SLC2A9: variants seen among roughly 807,000 people sequenced by gnomAD.
SLC2A9 encodes the protein solute carrier family 2 member 9.
In SLC2A9, 39 loss-of-function variants were observed where a neutral mutation model predicts 50.6. That is an observed-to-expected ratio of 0.77 (90% confidence interval 0.60 to 1.01). SLC2A9 has a LOEUF of 1.01. SLC2A9 is among the 50% of genes least tolerant of loss of function. The pLI is 0.00. For missense variants in SLC2A9, 686 were observed against 677.6 expected (o/e 1.01, Z -0.14); for synonymous variants, 324 against 276.9 (o/e 1.17, Z -1.69).
At chr4:10,018,393 T>C (rs1183332439) in intron 2 of SLC2A9, among the ~76,000 whole-genome samples, 1 of 151,938 alleles carries the variant, frequency 6.6e-6, no homozygotes, top group Non-Finnish European at 1.5e-5. Context: ...AATACAAAAA[T>C]TAGTCGGGTG....
chr4:9,782,108 G>C lies in SLC2A9; in HGVS notation n.386-2043C>G, dbSNP rs747489876. 39 of 1,546,396 alleles carry C rather than the reference G, an allele frequency of 2.5e-5. No individual in the cohort carries two copies. In the African/African-American group the frequency reaches 4.9e-4, roughly 19 times the overall value. On this transcript the variant is annotated intron_variant and non_coding_transcript_variant, in intron 3 of 3. Transcript: ENST00000503803. ...CCAGCAGCTGGCGCAGGGGAACGCC[G>C]TGGGGGGCTCGGCGGGGGCACCGCC...
At chr4:9,934,422 T>C (rs1269136097) in intron 6 of SLC2A9, among the ~76,000 whole-genome samples, 2 of 152,220 alleles carry the variant, frequency 1.3e-5, no homozygotes, top group East Asian at 3.8e-4. Context: ...CTGCTTCTTG[T>C]GTCCCAAAAC....
downstream of SLC2A9, among the ~76,000 whole-genome samples, chr4:9,823,204 T>C (rs1724648045): frequency 6.6e-6 from 1 of 152,076 alleles, no homozygotes; most frequent in Non-Finnish European, 1.5e-5. Context: ...TGAGAGAATA[T>C]GTAAAATAGT....
intron 3 of SLC2A9, chr4:9,782,506 C>A (rs747220811): frequency 5.0e-6 from 8 of 1,614,010 alleles, no homozygotes; most frequent in Non-Finnish European, 5.9e-6. Flanking sequence ...TGGCCTTGGT[C>A]ATGGTCGGCC....
chr4:9,847,656 A>C (rs1729198890), intron 10 of SLC2A9, among the ~76,000 whole-genome samples: 1 of 152,252 alleles, frequency 6.6e-6, no homozygotes, highest in South Asian at 2.1e-4. Flanking sequence ...AGGAGCCGTC[A>C]GCATCTGAGG....
At chr4:9,809,868 A>T (rs375261189) in intron 3 of SLC2A9, among the ~76,000 whole-genome samples, 102 of 145,842 alleles carry the variant, frequency 7.0e-4, no homozygotes, top group South Asian at 5.7e-3. Context: ...TTTTTTTTTT[A>T]AATTCATGTG....
intron 10 of SLC2A9, among the ~76,000 whole-genome samples, chr4:9,871,766 C>A (rs1403501236): frequency 2.6e-5 from 4 of 152,334 alleles, no homozygotes; most frequent in Non-Finnish European, 1.5e-5. Context: ...ACACTGCCAA[C>A]CCACTGACTT....
chr4:9,881,627 C>T (rs923085188), intron 10 of SLC2A9, among the ~76,000 whole-genome samples: 1 of 152,192 alleles, frequency 6.6e-6, no homozygotes, highest in Non-Finnish European at 1.5e-5. Context: ...AATGCAAAAG[C>T]CATTCTTTGC....
intron 1 of SLC2A9, among the ~76,000 whole-genome samples, chr4:9,773,049 C>T (rs1161659378): frequency 6.6e-6 from 1 of 152,178 alleles, no homozygotes; most frequent in African/African-American, 2.4e-5. Context: ...GCCCATCCTT[C>T]TGCCTCTGTC....
chr4:9,962,586 G>C (rs1752437347), intron 5 of SLC2A9, among the ~76,000 whole-genome samples: 1 of 152,122 alleles, frequency 6.6e-6, no homozygotes, highest in African/African-American at 2.4e-5. Flanking sequence ...GGCAGGGGGA[G>C]GGACAGTAAA....
intron 10 of SLC2A9, among the ~76,000 whole-genome samples, chr4:9,855,235 G>A (rs6852425): frequency 1.3e-5 from 2 of 151,978 alleles, no homozygotes; most frequent in Admixed American, 6.6e-5. Flanking sequence ...AAAAAGCTTC[G>A]TGATCTGATA....
chr4:9,903,790 T>C (rs925758922), intron 8 of SLC2A9, among the ~76,000 whole-genome samples: 3 of 148,508 alleles, frequency 2.0e-5, no homozygotes, highest in East Asian at 1.9e-4. Flanking sequence ...AATATATTTA[T>C]TGCCTTCTTT....
chr4:9,916,112 GA>G (rs1742806236), intron 7 of SLC2A9, among the ~76,000 whole-genome samples: 1 of 152,156 alleles, frequency 6.6e-6, no homozygotes, highest in Admixed American at 6.5e-5. Flanking sequence ...GAAAGCGTAA[GA>G]AATCTGGGAC....
At chr4:9,875,417 G>GGCCATAGGTTACTCTCTGTCTAAGA (rs1734156809) in intron 10 of SLC2A9, among the ~76,000 whole-genome samples, 1 of 152,230 alleles carries the variant, frequency 6.6e-6, no homozygotes, top group African/African-American at 2.4e-5. Flanking sequence ...CTTTAGAAAT[G>GGCCATAGGTTACTCTCTGTCTAAGA]TCTTCTTGTG....
At chr4:9,987,355 G>A (rs919844362) in intron 3 of SLC2A9, among the ~76,000 whole-genome samples, 5 of 152,112 alleles carry the variant, frequency 3.3e-5, no homozygotes, top group African/African-American at 1.2e-4. Context: ...TCTGACCTCA[G>A]GTGATCTGCC....
At chr4:10,021,578 G>A (rs970816122), upstream of SLC2A9, 15 of 1,193,144 alleles carry the variant, frequency 1.3e-5, no homozygotes, top group African/African-American at 3.0e-5. Flanking sequence ...AACAGGCAAC[G>A]GGGCAACATT....
At chr4:9,977,986 T>C (rs899369455) in intron 5 of SLC2A9, among the ~76,000 whole-genome samples, 1 of 152,212 alleles carries the variant, frequency 6.6e-6, no homozygotes, top group African/African-American at 2.4e-5. Context: ...TGCCATCGAC[T>C]GGCGGGACAA....
chr4:9,796,781 A>T (rs1236910583), downstream of SLC2A9, among the ~76,000 whole-genome samples: 1 of 152,184 alleles, frequency 6.6e-6, no homozygotes, highest in African/African-American at 2.4e-5. Flanking sequence ...GAGAGGATCC[A>T]GGGAAGTAGC....
At position 9,880,082 on chromosome 4, in the gene SLC2A9, A is replaced by G. The variant is rs372000442; in HGVS notation, c.1291+7485T>C. 5,608 of 985,334 alleles carry G rather than the reference A, an allele frequency of 5.7e-3. 14 individuals carry two copies. Among genetic ancestry groups the G allele is most frequent in the Non-Finnish European group, 6.4e-3 (5,339 of 829,922 alleles). 61.0% of individuals were successfully genotyped at this position (985,334 alleles called of 1,614,324 possible). The stretch of plus-strand genomic sequence containing the variant: ...TGAGTCTCTCTGCCATTCAGCTCTG[A>G]GCATCTTCCTGCCACACTTTCCCGG... On this transcript the variant is annotated intron_variant, in intron 10 of 11. Transcript: ENST00000264784.
Sources: allele counts gnomAD v4.1 joint callset (sites outside exome capture counted in the v4.1 genomes callset), GRCh38; gene constraint gnomAD v4.1.1; transcripts MANE v1.5; gene names NCBI Gene and HGNC (gene_info 2026-07-23, HGNC 2026-07-21).